The following CA10 variants were observed in gnomAD, a reference collection of about 807,000 sequenced individuals.
The protein encoded by CA10 is carbonic anhydrase 10 (inactive).
In CA10, 14 loss-of-function variants were observed where a neutral mutation model predicts 44.2. The observed-to-expected ratio is 0.32, with a 90% CI of 0.21 to 0.50. The LOEUF is 0.50. CA10 is among the 20% of genes least tolerant of loss of function. The pLI, the probability that CA10 is intolerant of heterozygous loss-of-function variation, is 0.99. For synonymous variants in CA10, 159 were observed against 141.6 expected, an observed-to-expected ratio of 1.12 and a Z score of -0.87; for missense variants, 350 against 409.7, an observed-to-expected ratio of 0.85 and a Z score of 1.26.
chr17:51,888,363 T>C (rs1980707227), intron 3 of CA10, among the ~76,000 whole-genome samples: 1 of 152,206 alleles, frequency 6.6e-6, no homozygotes, highest in South Asian at 2.1e-4. Flanking sequence ...CATTAAAATC[T>C]TTAAGCGGTA....
At chr17:51,821,097 C>T (rs540820288) in intron 3 of CA10, among the ~76,000 whole-genome samples, 15 of 126,068 alleles carry the variant, frequency 1.2e-4, no homozygotes, top group Non-Finnish European at 2.2e-4. Flanking sequence ...CCCTCCCTTC[C>T]TTCCTTCCTT....
chr17:52,098,348 G>A (rs2143237490), intron 1 of CA10, among the ~76,000 whole-genome samples: 1 of 152,280 alleles, frequency 6.6e-6, no homozygotes, highest in East Asian at 1.9e-4. Flanking sequence ...CCTGGGCTGG[G>A]GCCTGAGATT....
At chr17:51,801,565 GGACA>G (rs1338881846) in intron 3 of CA10, among the ~76,000 whole-genome samples, 2 of 151,972 alleles carry the variant, frequency 1.3e-5, no homozygotes, top group African/African-American at 2.4e-5. Context: ...TGTTCTGTGG[GGACA>G]GACAATGAAA....
At chr17:51,745,444 A>C (rs1904643464) in intron 4 of CA10, among the ~76,000 whole-genome samples, 1 of 152,216 alleles carries the variant, frequency 6.6e-6, no homozygotes, top group Non-Finnish European at 1.5e-5. Context: ...CACTGGGAAC[A>C]CATAATAATG....
At chr17:51,921,705 A>C (rs1470032490) in intron 3 of CA10, among the ~76,000 whole-genome samples, 1 of 152,168 alleles carries the variant, frequency 6.6e-6, no homozygotes, top group African/African-American at 2.4e-5. Flanking sequence ...GGTACTGTGT[A>C]ATTAGACTGA....
At chr17:51,888,787 T>C (rs1476912296) in intron 3 of CA10, among the ~76,000 whole-genome samples, 1 of 152,226 alleles carries the variant, frequency 6.6e-6, no homozygotes, top group Non-Finnish European at 1.5e-5. Context: ...CTGTTCCCAT[T>C]ACCTATTGCT....
rs372729050 is a variant in CA10, at chr17:52,054,625, G to A, written c.136+17694C>T. 7.4e-4 allele frequency among the ~76,000 whole-genome samples: 112 copies of A among 151,992 alleles called. 1 individual carries two copies. In the East Asian group the frequency reaches 0.019, roughly 26 times the overall value. On this transcript the variant is annotated intron_variant, in intron 2 of 8. Transcript: ENST00000451037. Reference sequence around the variant, plus strand: ...GGTTTTGCGGCTTGGGGGGCATCACGGAACCTGCCGACATGTGATGTCTCC... The same window carrying A: ...GGTTTTGCGGCTTGGGGGGCATCACAGAACCTGCCGACATGTGATGTCTCC...
intron 3 of CA10, among the ~76,000 whole-genome samples, chr17:51,786,775 A>G (rs1210916861): frequency 6.6e-6 from 1 of 152,160 alleles, no homozygotes; most frequent in Non-Finnish European, 1.5e-5. Flanking sequence ...AAGGGCTTTC[A>G]GATTTTCCCC....
Position 51,816,139 on chromosome 17 carries a change from T to A in CA10, c.280-68321A>T, listed in dbSNP as rs1193370166. 2.6e-5 allele frequency among the ~76,000 whole-genome samples: 4 copies of A among 152,230 alleles called. No homozygotes were observed. In the East Asian group the frequency reaches 7.7e-4, roughly 29 times the overall value. ...TCTCTGAGTTTAATTGTTTTGACTT[T>A]TAGATCACACAAATAAGTGAGGACA... On this transcript the variant is annotated intron_variant, in intron 3 of 8. Transcript: ENST00000451037.
At chr17:52,112,618 A>T (rs1258922758) in intron 1 of CA10, among the ~76,000 whole-genome samples, 1 of 152,250 alleles carries the variant, frequency 6.6e-6, no homozygotes, top group Non-Finnish European at 1.5e-5. Flanking sequence ...CAATGTAATC[A>T]TCGTGAAGAA....
rs537619860 is a variant in CA10, at chr17:51,979,729, T to A, written c.137-48597A>T. Among the ~76,000 whole-genome samples the A allele has an allele frequency of 1.2e-4, 18 of 152,266 alleles. 1 individual carries two copies. In the South Asian group the frequency reaches 3.5e-3, roughly 30 times the overall value. ...AATAACTGAGAATGGACGGCAGGCC[T>A]TATTTGTTTACATGGATTCCATGAA... On this transcript the variant is annotated intron_variant, in intron 2 of 8. Transcript: ENST00000451037.
chr17:52,009,855 C>T (rs982759911), intron 2 of CA10, among the ~76,000 whole-genome samples: 1 of 151,908 alleles, frequency 6.6e-6, no homozygotes, highest in Non-Finnish European at 1.5e-5. Flanking sequence ...ATCTATATAT[C>T]CAACAAAGGA....
At chr17:51,848,930 C>T (rs1400630493) in intron 3 of CA10, among the ~76,000 whole-genome samples, 5 of 151,536 alleles carry the variant, frequency 3.3e-5, no homozygotes, top group Non-Finnish European at 7.4e-5. Flanking sequence ...CCTGTGGTCT[C>T]AGCTACTCAG....
chr17:52,127,843 A>C (rs1437708030), intron 1 of CA10, among the ~76,000 whole-genome samples: 3 of 152,242 alleles, frequency 2.0e-5, no homozygotes, highest in Non-Finnish European at 4.4e-5. Context: ...ATCTTTGATA[A>C]CAGATATCCT....
At position 51,872,534 on chromosome 17, in the gene CA10, A is replaced by G. The variant is rs1162040026; in HGVS notation, c.279+58456T>C. ...ATCTCTCTGCTATCTGCCTTCTGTC[A>G]AGAGATTTCCAGTGTTTAGACATCT... On this transcript the variant is annotated intron_variant, in intron 3 of 8. Transcript: ENST00000451037. Among the ~76,000 whole-genome samples the G allele has an allele frequency of 1.8e-4, 27 of 152,164 alleles. 1 individual carries two copies. The highest frequency in any genetic ancestry group is 1.8e-3 in the Admixed American group (27 of 15,286).
intron 1 of CA10, among the ~76,000 whole-genome samples, chr17:52,119,127 T>C (rs1988958543): frequency 6.8e-6 from 1 of 147,950 alleles, no homozygotes; most frequent in South Asian, 2.2e-4. Flanking sequence ...TTTATGGCCT[T>C]TAATAATTGA....
At chr17:51,854,841 T>G (rs960710668) in intron 3 of CA10, among the ~76,000 whole-genome samples, 2 of 152,332 alleles carry the variant, frequency 1.3e-5, no homozygotes, top group East Asian at 3.9e-4. Context: ...ATTTGGTGTG[T>G]GTTGGGTCTG....
At chr17:51,660,546 G>A (rs2106331) in intron 4 of CA10, among the ~76,000 whole-genome samples, 50,795 of 152,076 alleles carry the variant, frequency 0.33, 8,781 homozygotes, top group South Asian at 0.4. Context: ...GCAAGGTGAT[G>A]CACTAGTGCA....
At chr17:52,119,531 G>A (rs1988967886) in intron 1 of CA10, among the ~76,000 whole-genome samples, 1 of 152,126 alleles carries the variant, frequency 6.6e-6, no homozygotes, top group Non-Finnish European at 1.5e-5. Flanking sequence ...ACCTCAAGAA[G>A]AGAGGAGTTT....
Sources: gnomAD v4.1 joint callset for allele counts (sites outside exome capture counted in the v4.1 genomes callset) on GRCh38, gnomAD v4.1.1 for gene constraint, MANE v1.5 for transcripts, NCBI Gene and HGNC (gene_info 2026-07-23, HGNC 2026-07-21) for gene names.